Variants in ZNF44 observed in about 807,000 individuals in gnomAD.
ZNF44 encodes the protein zinc finger protein 44.
In ZNF44, 9 loss-of-function variants were observed where a neutral mutation model predicts 11.7. That is an observed-to-expected ratio of 0.77 (90% CI 0.46 to 1.35). ZNF44 has a LOEUF of 1.35. ZNF44 is among the 40% of genes most tolerant of loss of function. The pLI is 0.00. For synonymous variants in ZNF44, 224 were observed against 242.7 expected (o/e 0.92, Z 0.72); for missense variants, 696 against 743.1 (o/e 0.94, Z 0.74).
chr19:12,235,378 A>G (rs954294634), intron 1 of ZNF44, among the ~76,000 whole-genome samples: 1 of 152,200 alleles, frequency 6.6e-6, no homozygotes, highest in Admixed American at 6.5e-5. Context: ...CGTCTCGAAA[A>G]AAACAAAACA....
At chr19:12,286,018 C>CA (rs1452294941) in intron 1 of ZNF44, among the ~76,000 whole-genome samples, 1 of 151,046 alleles carries the variant, frequency 6.6e-6, no homozygotes, top group African/African-American at 2.4e-5. Context: ...GACTCCATCT[C>CA]AAAAAAAACT....
upstream of ZNF44, among the ~76,000 whole-genome samples, chr19:12,241,099 T>G (rs1916599843): frequency 7.3e-6 from 1 of 137,808 alleles, no homozygotes; most frequent in South Asian, 2.2e-4. Flanking sequence ...GTGAGGGACT[T>G]GAAAACATTT....
rs144868075 is a variant in ZNF44, at chr19:12,286,724, G to C, written c.3+7968C>G. On this transcript the variant is annotated intron_variant, in intron 1 of 3. Coordinates refer to ENST00000355684, the MANE Select transcript of ZNF44 (RefSeq NM_016264.4). ...CCAGCACTTTGGGAGGCTGAGGCAG[G>C]TGGATCTCTTGAGGTCAGGAGTTCG... 2.3e-3 allele frequency among the ~76,000 whole-genome samples: 343 copies of C among 151,462 alleles called. 2 individuals carry two copies. The highest frequency in any genetic ancestry group is 4.1e-3 in the Non-Finnish European group (281 of 67,902).
At chr19:12,259,047 G>T (rs918937164) in intron 5 of ZNF44, among the ~76,000 whole-genome samples, 4 of 151,980 alleles carry the variant, frequency 2.6e-5, no homozygotes, top group Non-Finnish European at 5.9e-5. Flanking sequence ...GCTAATTTTT[G>T]TATTTTTTGT....
At chr19:12,260,336 G>A (rs1917453043) in intron 5 of ZNF44, 1 of 976,466 alleles carries the variant, frequency 1.0e-6, no homozygotes, top group Non-Finnish European at 1.6e-6. Context: ...CCGGCCAGCC[G>A]AAGCCTGCCA....
intron 1 of ZNF44, among the ~76,000 whole-genome samples, chr19:12,287,541 T>C (rs936497983): frequency 7.9e-5 from 12 of 152,142 alleles, no homozygotes; most frequent in African/African-American, 2.9e-4. Context: ...CTACCACTTA[T>C]AAATGAGAAC....
chr19:12,281,688 A>G (rs1967480759), intron 1 of ZNF44, among the ~76,000 whole-genome samples: 1 of 152,176 alleles, frequency 6.6e-6, no homozygotes, highest in South Asian at 2.1e-4. Context: ...TAACTCAGAA[A>G]AAAGAGGAGC....
chr19:12,268,129 C>G (rs1259360504), downstream of ZNF44, among the ~76,000 whole-genome samples: 1 of 143,216 alleles, frequency 7.0e-6, no homozygotes, highest in East Asian at 2.0e-4. Flanking sequence ...CTTTGGTGTT[C>G]TTACACACAC....
chr19:12,282,024 A>G (rs559650024), intron 1 of ZNF44, among the ~76,000 whole-genome samples: 1 of 152,320 alleles, frequency 6.6e-6, no homozygotes, highest in East Asian at 1.9e-4. Context: ...CTTCTATTCC[A>G]TTTTATAAGG....
At chr19:12,293,267 G>A (rs1022180715) in intron 1 of ZNF44, 7 of 1,536,788 alleles carry the variant, frequency 4.6e-6, no homozygotes, top group East Asian at 2.4e-5. Context: ...AACACCTCAG[G>A]CTGTCCTCTG....
chr19:12,274,171 T>A, intron 3 of ZNF44, 108 bp from the exon 4 acceptor site: 1 of 993,018 alleles, frequency 1.0e-6, no homozygotes. Flanking sequence ...ATAAGCTTCA[T>A]GTCCTGCTTC....
intron 1 of ZNF44, among the ~76,000 whole-genome samples, chr19:12,287,253 T>C (rs932421366): frequency 2.6e-5 from 4 of 152,048 alleles, no homozygotes; most frequent in African/African-American, 9.7e-5. Flanking sequence ...CATTCTTCTT[T>C]TTTTTTCCTT....
rs111324919 is a variant in ZNF44, at chr19:12,271,959, C to CA, written c.*447dup. The stretch of plus-strand genomic sequence containing the variant: ...GGGTGTACTGGAACCAATCTTCTTG[C>CA]ATATAGCAGGCAGCAACTCTATTTG... On this transcript the variant is annotated 3_prime_UTR_variant, in exon 4 of 4. Coordinates refer to ENST00000355684, the MANE Select transcript of ZNF44 (RefSeq NM_016264.4). The CA allele has an allele frequency of 0.18, 27,373 of 151,940 alleles. 2,548 individuals are homozygous for CA. The highest frequency in any genetic ancestry group is 0.27 in the East Asian group (1,418 of 5,172). The allele number at this position is 151,940 out of a possible 1,614,324, so 9.4% of individuals were successfully genotyped here.
exon 8 of ZNF44, chr19:12,248,596 G>A (rs1916852942): frequency 3.9e-6 from 5 of 1,296,144 alleles, no homozygotes; most frequent in Non-Finnish European, 5.0e-6. Context: ...TTCTTGTTCA[G>A]ACTGAGATTT....
At chr19:12,270,878 A>G (rs557071881), downstream of ZNF44, among the ~76,000 whole-genome samples, 2 of 152,318 alleles carry the variant, frequency 1.3e-5, no homozygotes, top group South Asian at 2.1e-4. Flanking sequence ...TAGATGCCCT[A>G]AAGCCCAGGA....
At chr19:12,237,199 G>T (rs370554921) in intron 1 of ZNF44, 9 of 152,464 alleles carry the variant, frequency 5.9e-5, no homozygotes, top group Admixed American at 3.9e-4. Context: ...ACAATCTGGG[G>T]AGACGCGGGG....
intron 3 of ZNF44, among the ~76,000 whole-genome samples, chr19:12,228,884 TGA>T (rs1403341614): frequency 1.3e-5 from 2 of 152,204 alleles, no homozygotes; most frequent in Non-Finnish European, 2.9e-5. Flanking sequence ...TTGTTTGGGC[TGA>T]GTCATAGTTT....
chr19:12,269,309 G>A (rs921438749), downstream of ZNF44, among the ~76,000 whole-genome samples: 5 of 152,146 alleles, frequency 3.3e-5, no homozygotes, highest in Non-Finnish European at 7.3e-5. Flanking sequence ...TGGATCACAA[G>A]GTCAGGAGAT....
At position 12,294,705 on chromosome 19, in the gene ZNF44, T is replaced by C. The variant is rs1356674914; in HGVS notation, c.-11A>G. ...CCGCACACTCACCATTTCCCGGCTG[T>C]GCGGTGTCCCGGGTCCTCCCAACTC... On this transcript the variant is annotated 5_prime_UTR_variant, in exon 1 of 4. Coordinates refer to ENST00000355684, the MANE Select transcript of ZNF44 (RefSeq NM_016264.4). 2 of 1,559,168 alleles carry C rather than the reference T, an allele frequency of 1.3e-6. No individual in the cohort carries two copies. The highest frequency in any genetic ancestry group is 1.7e-6 in the Non-Finnish European group (2 of 1,152,434).
Sources: gnomAD v4.1 joint callset for allele counts (sites outside exome capture counted in the v4.1 genomes callset) on GRCh38, gnomAD v4.1.1 for gene constraint, MANE v1.5 for transcripts, NCBI Gene and HGNC (gene_info 2026-07-23, HGNC 2026-07-21) for gene names.